COIL: variants seen among roughly 807,000 people sequenced by gnomAD.
The protein encoded by COIL is coilin p80.
In COIL, 28 loss-of-function variants were observed where a neutral mutation model predicts 51.6. The ratio of observed to expected loss-of-function variants is 0.54; its 90% confidence interval spans 0.40 to 0.74. The LOEUF (loss-of-function observed/expected upper bound fraction) is 0.74. COIL is among the 30% of genes least tolerant of loss of function. The probability of loss-of-function intolerance (pLI) is 0.00; values close to 1 mark genes in which losing one functional copy is unlikely to be tolerated. For synonymous variants in COIL, 233 were observed against 255.8 expected, an observed-to-expected ratio of 0.91 and a Z score of 0.85; for missense variants, 667 against 685.9, an observed-to-expected ratio of 0.97 and a Z score of 0.31.
intron 1 of COIL, among the ~76,000 whole-genome samples, chr17:56,958,765 A>C (rs1387309527): frequency 6.6e-6 from 1 of 152,208 alleles, no homozygotes; most frequent in Non-Finnish European, 1.5e-5. Context: ...TGCAGAGAGA[A>C]TAGAGACCTA....
chr17:56,946,964 A>C (rs954359419), intron 4 of COIL, among the ~76,000 whole-genome samples: 4 of 152,228 alleles, frequency 2.6e-5, no homozygotes, highest in African/African-American at 4.8e-5. Context: ...CTTCTAAAAC[A>C]GTGATCACAA....
intron 6 of COIL, chr17:56,940,283 T>C (rs892197019): frequency 2.6e-5 from 4 of 152,338 alleles, no homozygotes; most frequent in African/African-American, 7.2e-5. Flanking sequence ...TTAATTTTTG[T>C]ATTTTTTTGT....
Position 56,946,376 on chromosome 17 carries a change from T to A in COIL, c.1558+66A>T, listed in dbSNP as rs969608044. 3.0e-5 allele frequency: 33 copies of A among 1,106,374 alleles called. No homozygotes were observed. In the African/African-American group the frequency reaches 4.9e-4, roughly 16 times the overall value. The allele number at this position is 1,106,374 out of a possible 1,614,324, so 68.5% of individuals were successfully genotyped here. On this transcript the variant is annotated intron_variant, in intron 5 of 6. Coordinates refer to ENST00000240316, the MANE Select transcript of COIL (RefSeq NM_004645.3). ...CAAGGAAGAGAACATCTCCTGTGTATAAAAGCTATTTATAAACCACTGTAG... is the reference window on the plus strand; with the variant it reads ...CAAGGAAGAGAACATCTCCTGTGTAAAAAAGCTATTTATAAACCACTGTAG...
intron 5 of COIL, among the ~76,000 whole-genome samples, chr17:56,946,083 A>G (rs1748220702): frequency 6.6e-6 from 1 of 152,188 alleles, no homozygotes. Flanking sequence ...AATCTTCCTC[A>G]GTTTTTACAA....
At chr17:56,941,204 G>A in intron 6 of COIL, 1 of 145,050 alleles carries the variant, frequency 6.9e-6, no homozygotes, top group East Asian at 2.1e-4. Context: ...AGGATTTAAA[G>A]AAAGTCAGAG....
chr17:56,951,801 TTC>T (rs1038494253), intron 1 of COIL: 16 of 150,232 alleles, frequency 1.1e-4, no homozygotes, highest in Non-Finnish European at 2.1e-4. Flanking sequence ...TATTTTTCTT[TTC>T]TTTTTTTTTT....
intron 3 of COIL, 111 bp from the exon 4 acceptor site, chr17:56,949,545 C>T: frequency 7.2e-7 from 1 of 1,398,238 alleles, no homozygotes; most frequent in South Asian, 1.2e-5. Flanking sequence ...GTCTGGGAGC[C>T]CTACCAGGAA....
At chr17:56,956,073 A>G (rs968160967) in intron 1 of COIL, among the ~76,000 whole-genome samples, 1 of 152,236 alleles carries the variant, frequency 6.6e-6, no homozygotes, top group African/African-American at 2.4e-5. Flanking sequence ...TTGCACATGT[A>G]TAGAAATCTG....
rs1910403115 is a variant in COIL, at chr17:56,953,066, C to G, written c.246-2070G>C. ...GCTAAGGTGGTAGGGTGGCTTGAGC[C>G]CAGGAGTTTAAGACCAGCCTGGGCA... On this transcript the variant is annotated intron_variant, in intron 1 of 6. Coordinates refer to ENST00000240316, the MANE Select transcript of COIL (RefSeq NM_004645.3). Among the ~76,000 whole-genome samples, 3 of 151,958 alleles carry G rather than the reference C, an allele frequency of 2.0e-5. No homozygotes were observed. The South Asian group carries it at 6.2e-4, about 31-fold the overall frequency.
chr17:56,953,140 G>A (rs143532554), intron 1 of COIL, among the ~76,000 whole-genome samples: 4,607 of 152,016 alleles, frequency 0.03, 99 homozygotes, highest in Middle Eastern at 0.051. Flanking sequence ...GGCTGGGCAC[G>A]GTGGCTCACG....
chr17:56,940,516 AC>A (rs2046866474), intron 6 of COIL, among the ~76,000 whole-genome samples: 1 of 152,172 alleles, frequency 6.6e-6, no homozygotes, highest in African/African-American at 2.4e-5. Flanking sequence ...ACCAAAAAAA[AC>A]TATTGCAAAT....
At chr17:56,952,102 C>A (rs1229859073) in intron 1 of COIL, 5 of 404,696 alleles carry the variant, frequency 1.2e-5, no homozygotes, top group Non-Finnish European at 2.4e-5. Context: ...AGCCATCGCA[C>A]CCAGCCCCAT....
At chr17:56,947,734 G>T (rs1327618055) in intron 4 of COIL, among the ~76,000 whole-genome samples, 1 of 152,202 alleles carries the variant, frequency 6.6e-6, no homozygotes, top group Non-Finnish European at 1.5e-5. Context: ...GCCTCCCAAA[G>T]TGCTGGGATT....
intron 1 of COIL, 100 bp from the exon 2 acceptor site, chr17:56,951,096 ATCAG>A: frequency 1.7e-6 from 2 of 1,151,652 alleles, no homozygotes; most frequent in South Asian, 3.4e-5. Context: ...TGTAACTACC[ATCAG>A]TCAATGAAAA....
At chr17:56,945,220 C>T (rs1288540662) in intron 5 of COIL, among the ~76,000 whole-genome samples, 1 of 151,442 alleles carries the variant, frequency 6.6e-6, no homozygotes, top group African/African-American at 2.4e-5. Flanking sequence ...TGCCTGTAGT[C>T]CCAACTACTC....
rs1910360259 is a variant in COIL, at chr17:56,951,002, A to C, written c.246-6T>G. On this transcript the variant is annotated splice_region_variant and splice_polypyrimidine_tract_variant and intron_variant, in intron 1 of 6. Transcript: ENST00000240316. ...CTCTCTCTTCTAATTTAACTCTGTCAAAAGAACAAGAGAGAAAGCTAGAGT... is the reference window on the plus strand; with the variant it reads ...CTCTCTCTTCTAATTTAACTCTGTCCAAAGAACAAGAGAGAAAGCTAGAGT... 6.3e-7 allele frequency: 1 copy of C among 1,593,318 alleles called. No individual in the cohort carries two copies. Among genetic ancestry groups the C allele is most frequent in the Non-Finnish European group, 8.5e-7 (1 of 1,175,882 alleles).
chr17:56,950,325 T>C lies in COIL; in HGVS notation c.917A>G (p.Lys306Arg), dbSNP rs371874352. 4 of 1,614,100 alleles carry C rather than the reference T, an allele frequency of 2.5e-6. No homozygotes were observed. The African/African-American group carries it at 4.0e-5, about 16-fold the overall frequency. ...IKLGFSLTPS[K>R]GKTSGTTSSS... is the part of the protein sequence containing the mutation. ...AGATGTTGTTCCAGAGGTCTTGCCCTTGCTGGGGGTAAGGCTAAAGCCAAG... is the reference window on the plus strand; with the variant it reads ...AGATGTTGTTCCAGAGGTCTTGCCCCTGCTGGGGGTAAGGCTAAAGCCAAG... The change falls in exon 2 of 7, where the codon AAG (lysine) becomes AGG (arginine). Residue 306 changes from lysine to arginine, a missense_variant. Lys to Arg is a conservative substitution (Grantham distance 26, BLOSUM62 2). Transcript: ENST00000240316.
In COIL at chr17:56,950,734, AG is replaced by A. The variant is rs770292655; in HGVS notation, c.507del (p.Cys170ValfsTer39). The stretch of plus-strand genomic sequence containing the variant: ...TCGTTATCATCACCCACTGTGCCAC[AG>A]GTTGCTTTATTTTTTCTCTTGTTTT... ...SKKNKRKNKA[T>X]CGTVGDDNEE... On this transcript the variant is annotated frameshift_variant, in exon 2 of 7. Transcript: ENST00000240316. LOFTEE classifies it high-confidence loss of function. The A allele has an allele frequency of 6.2e-7, 1 of 1,613,628 alleles. No individual in the cohort carries two copies. Among genetic ancestry groups the A allele is most frequent in the African/African-American group, 1.3e-5 (1 of 74,788 alleles).
chr17:56,941,714 A>G (rs572625725), intron 6 of COIL, among the ~76,000 whole-genome samples: 3 of 152,356 alleles, frequency 2.0e-5, no homozygotes, highest in African/African-American at 7.2e-5. Flanking sequence ...AAAGTTGTTC[A>G]AGCCATGTAG....
Sources: allele counts gnomAD v4.1 joint callset (sites outside exome capture counted in the v4.1 genomes callset), GRCh38; gene constraint gnomAD v4.1.1; transcripts MANE v1.5; gene names NCBI Gene and HGNC (gene_info 2026-07-23, HGNC 2026-07-21).